PLAAT3: variants seen among roughly 807,000 people sequenced by gnomAD.
The protein encoded by PLAAT3 is phospholipase A and acyltransferase 3.
PLAAT3 carries 21 observed loss-of-function variants against 16.7 expected under a neutral mutation model. The observed-to-expected ratio is 1.26, with a 90% CI of 0.89 to 1.81. PLAAT3 has a LOEUF of 1.81. Ranked by LOEUF, PLAAT3 falls within the 40% of genes most tolerant of loss-of-function variation. The probability of loss-of-function intolerance (pLI) is 0.00; values close to 1 mark genes in which losing one functional copy is unlikely to be tolerated. For missense variants in PLAAT3, 219 were observed against 213.7 expected, an observed-to-expected ratio of 1.02 and a Z score of -0.16; for synonymous variants, 76 against 81.7, an observed-to-expected ratio of 0.93 and a Z score of 0.38.
chr11:63,615,878 T>C (rs972554434), upstream of PLAAT3, among the ~76,000 whole-genome samples: 1 of 151,562 alleles, frequency 6.6e-6, no homozygotes, highest in Non-Finnish European at 1.5e-5. Flanking sequence ...ATGTTGACCA[T>C]GCTGGTCACG....
chr11:63,602,698 G>A (rs1482308301), intron 2 of PLAAT3, among the ~76,000 whole-genome samples: 1 of 151,916 alleles, frequency 6.6e-6, no homozygotes, highest in Non-Finnish European at 1.5e-5. Flanking sequence ...GTGGAACATC[G>A]CCAGGCTCAT....
rs745907811 is a variant in PLAAT3 at position 63,574,929 on chromosome 11, G to A, written c.*16C>T. The A allele has an allele frequency of 1.3e-5, 20 of 1,484,286 alleles. No homozygotes were observed. The South Asian group carries it at 2.3e-4, about 17-fold the overall frequency. The allele number at this position is 1,484,286 out of a possible 1,614,324, so 91.9% of individuals were successfully genotyped here. ...TTGATGTATAAAGTCATCGCTGACA[G>A]GACAGTCTTTTTCAGTTATTGCTTT... On this transcript the variant is annotated 3_prime_UTR_variant, in exon 5 of 5. Coordinates refer to ENST00000415826, the MANE Select transcript of PLAAT3 (RefSeq NM_001128203.2).
At chr11:63,607,230 C>T (rs1938590570) in intron 2 of PLAAT3, among the ~76,000 whole-genome samples, 1 of 152,128 alleles carries the variant, frequency 6.6e-6, no homozygotes, top group South Asian at 2.1e-4. Context: ...CGCTGGGCAG[C>T]GGGTATCCCA....
intron 4 of PLAAT3, among the ~76,000 whole-genome samples, chr11:63,577,817 T>C (rs1355493988): frequency 2.0e-5 from 3 of 152,028 alleles, no homozygotes; most frequent in South Asian, 2.1e-4. Context: ...AACGTGGTAC[T>C]ATAAAAAATA....
intron 4 of PLAAT3, among the ~76,000 whole-genome samples, chr11:63,585,029 C>CTT (rs1240361862): frequency 4.3e-5 from 6 of 139,670 alleles, no homozygotes; most frequent in Non-Finnish European, 3.1e-5. Context: ...CATCGAAGTT[C>CTT]TTTTTTTTTT....
chr11:63,588,801 G>A (rs779667349), intron 4 of PLAAT3, among the ~76,000 whole-genome samples: 2 of 152,206 alleles, frequency 1.3e-5, no homozygotes, highest in African/African-American at 4.8e-5. Context: ...ATATCCCACT[G>A]TAGACAGGTA....
At chr11:63,592,393 AAGCCTGGTCCG>A (rs1565251370) in intron 3 of PLAAT3, among the ~76,000 whole-genome samples, 1 of 99,166 alleles carries the variant, frequency 1.0e-5, no homozygotes. Flanking sequence ...TCTCGAACTC[AAGCCTGGTCCG>A]AGCTCAAGCA....
chr11:63,579,040 A>C (rs1403578936), intron 4 of PLAAT3, among the ~76,000 whole-genome samples: 4 of 152,208 alleles, frequency 2.6e-5, no homozygotes, highest in Non-Finnish European at 4.4e-5. Flanking sequence ...AAAAACAAAC[A>C]ACCCCATCAA....
intron 3 of PLAAT3, among the ~76,000 whole-genome samples, chr11:63,595,945 AG>A (rs1197775068): frequency 6.6e-6 from 1 of 152,180 alleles, no homozygotes; most frequent in African/African-American, 2.4e-5. Context: ...TACGCTTAAG[AG>A]TTGAGTGTGT....
intron 4 of PLAAT3, among the ~76,000 whole-genome samples, chr11:63,586,315 G>T (rs550382111): frequency 6.6e-6 from 1 of 152,260 alleles, no homozygotes; most frequent in African/African-American, 2.4e-5. Flanking sequence ...TGTATTTTTA[G>T]TAGAGACGGG....
At chr11:63,614,237 A>G (rs1938772997) in intron 1 of PLAAT3, 148 bp downstream of exon 1, 2 of 602,008 alleles carry the variant, frequency 3.3e-6, no homozygotes, top group Non-Finnish European at 5.9e-6. Context: ...GCGGGCGCCC[A>G]GGAGGCTGCA....
upstream of PLAAT3, among the ~76,000 whole-genome samples, chr11:63,615,306 ATATGTGTG>A (rs1428929761): frequency 1.4e-5 from 1 of 71,708 alleles, no homozygotes; most frequent in African/African-American, 3.8e-5. Flanking sequence ...ATGTGTGTAT[ATATGTGTG>A]TATATATGTG....
chr11:63,601,676 T>C (rs1261069831), intron 2 of PLAAT3, among the ~76,000 whole-genome samples: 2 of 152,154 alleles, frequency 1.3e-5, no homozygotes, highest in African/African-American at 2.4e-5. Context: ...ATGCCACTTA[T>C]ATAAATTAAA....
chr11:63,593,889 C>T (rs534995291), intron 3 of PLAAT3, among the ~76,000 whole-genome samples: 15 of 152,228 alleles, frequency 9.9e-5, no homozygotes, highest in South Asian at 4.2e-4. Context: ...CCTTGATTTA[C>T]GCTTTCAAAC....
At position 63,575,038 on chromosome 11, in the gene PLAAT3, A is replaced by T. The variant is rs746110871; in HGVS notation, c.396T>A (p.Asp132Glu). ...YGVARSDQVR[D>E]VIIAASVAGM... is the part of the protein sequence containing the mutation. Reference sequence around the variant, plus strand: ...CTGCAACGCTTGCAGCGATGATGACATCTCTGACCTGCAACAAAGAAGAGG... The same window carrying T: ...CTGCAACGCTTGCAGCGATGATGACTTCTCTGACCTGCAACAAAGAAGAGG... Residue 132 changes from aspartate to glutamate, a missense_variant, in exon 5 of 5, where the codon GAT becomes GAA. Asp to Glu is a conservative substitution (Grantham distance 45, BLOSUM62 2). Coordinates refer to ENST00000415826, the MANE Select transcript of PLAAT3 (RefSeq NM_001128203.2). 22 of 1,609,070 alleles carry T rather than the reference A, an allele frequency of 1.4e-5. No homozygotes were observed. In the East Asian group the frequency reaches 3.3e-4, roughly 24 times the overall value.
intron 2 of PLAAT3, among the ~76,000 whole-genome samples, chr11:63,613,177 C>T (rs529815679): frequency 6.6e-6 from 1 of 152,164 alleles, no homozygotes; most frequent in East Asian, 1.9e-4. Flanking sequence ...TTTGCGAGAC[C>T]GAGGCGGGCG....
intron 3 of PLAAT3, among the ~76,000 whole-genome samples, chr11:63,595,247 T>C (rs981914379): frequency 9.4e-5 from 13 of 138,976 alleles, no homozygotes; most frequent in African/African-American, 3.6e-4. Flanking sequence ...GCCAAGATCA[T>C]GCCCCTGCAC....
upstream of PLAAT3, chr11:63,614,526 C>A: frequency 6.5e-6 from 1 of 154,044 alleles, no homozygotes; most frequent in South Asian, 2.0e-4. Context: ...GGCCCCGGTC[C>A]CGAGCCCGGC....
intron 4 of PLAAT3, among the ~76,000 whole-genome samples, chr11:63,589,884 C>T (rs530074252): frequency 1.3e-5 from 2 of 151,632 alleles, no homozygotes; most frequent in Non-Finnish European, 2.9e-5. Context: ...CTTTCCTTGG[C>T]CACCCACCCC....
Sources: gnomAD v4.1 joint callset for allele counts (sites outside exome capture counted in the v4.1 genomes callset) on GRCh38, gnomAD v4.1.1 for gene constraint, MANE v1.5 for transcripts, NCBI Gene and HGNC (gene_info 2026-07-23, HGNC 2026-07-21) for gene names.